The following FBXL17 variants were observed in gnomAD, a reference collection of about 807,000 sequenced individuals.
The protein encoded by FBXL17 is F-box/LRR-repeat protein 17.
In FBXL17, 22 loss-of-function variants were observed where a neutral mutation model predicts 66.2. That is an observed-to-expected ratio of 0.33 (90% CI 0.24 to 0.47). FBXL17 has a LOEUF of 0.47. Among genes scored for constraint, FBXL17 ranks in the 20% least tolerant of loss-of-function variants. The pLI is 1.00. For synonymous variants in FBXL17, 474 were observed against 400.5 expected, an observed-to-expected ratio of 1.18 and a Z score of -2.19; for missense variants, 878 against 948.2, an observed-to-expected ratio of 0.93 and a Z score of 0.97.
intron 7 of FBXL17, among the ~76,000 whole-genome samples, chr5:107,922,713 C>T (rs926425937): frequency 2.0e-5 from 3 of 152,188 alleles, no homozygotes; most frequent in Admixed American, 2.0e-4. Context: ...CCGGCTACTT[C>T]ATATTCAGTC....
chr5:108,370,137 T>C (rs1365687365), intron 1 of FBXL17, among the ~76,000 whole-genome samples: 2 of 152,138 alleles, frequency 1.3e-5, no homozygotes, highest in Admixed American at 6.5e-5. Context: ...AGAGAAAATA[T>C]GTGCAGGCAT....
intron 7 of FBXL17, among the ~76,000 whole-genome samples, chr5:107,955,257 A>T (rs1751624001): frequency 6.6e-6 from 1 of 152,076 alleles, no homozygotes; most frequent in Non-Finnish European, 1.5e-5. Context: ...ACACATCACA[A>T]AATAGTTCTT....
At chr5:107,984,679 A>T (rs1330255938) in intron 7 of FBXL17, among the ~76,000 whole-genome samples, 1 of 152,244 alleles carries the variant, frequency 6.6e-6, no homozygotes, top group Non-Finnish European at 1.5e-5. Flanking sequence ...TGCCATCTAA[A>T]TTCCTACTTG....
In FBXL17 at chr5:108,224,244, G is replaced by A; in HGVS notation, c.1507-16C>T. 2 of 1,472,212 alleles carry A rather than the reference G, an allele frequency of 1.4e-6. No individual in the cohort carries two copies. Among genetic ancestry groups the A allele is most frequent in the African/African-American group, 1.4e-5 (1 of 72,012 alleles). 91.2% of individuals were successfully genotyped at this position (1,472,212 alleles called of 1,614,324 possible). A position where few individuals can be genotyped will look rare whatever the true frequency, so the allele number is the denominator to read the frequency against. On this transcript the variant is annotated splice_polypyrimidine_tract_variant and intron_variant, in intron 4 of 8. Transcript: ENST00000542267. ...GATCTGTCACCTAGGGAAAAGACAT[G>A]GATGAAATTATTCAAGGTAATAGTC...
At chr5:108,216,832 T>C (rs999788781) in intron 5 of FBXL17, among the ~76,000 whole-genome samples, 2 of 152,230 alleles carry the variant, frequency 1.3e-5, no homozygotes, top group African/African-American at 4.8e-5. Context: ...TGCCCACGGC[T>C]GCACAGATAG....
Position 108,217,980 on chromosome 5 carries a change from C to T in FBXL17, c.1614+6141G>A, listed in dbSNP as rs542384138. Among the ~76,000 whole-genome samples, 11 of 150,862 alleles carry T rather than the reference C, an allele frequency of 7.3e-5. No individual in the cohort carries two copies. In the South Asian group the frequency reaches 1.3e-3, roughly 17 times the overall value. On this transcript the variant is annotated intron_variant, in intron 5 of 8. Transcript: ENST00000542267. Reference sequence around the variant, plus strand: ...TTCTTTTTAAGGCTGAATAGTATTCCATTGTGTGTATATACCATATTTTCT... The same window carrying T: ...TTCTTTTTAAGGCTGAATAGTATTCTATTGTGTGTATATACCATATTTTCT...
chr5:108,207,785 G>A (rs76818567), intron 5 of FBXL17, among the ~76,000 whole-genome samples: 9 of 152,256 alleles, frequency 5.9e-5, no homozygotes, highest in East Asian at 1.9e-4. Context: ...ATAAACATAC[G>A]TGTGCATGTG....
intron 6 of FBXL17, among the ~76,000 whole-genome samples, chr5:108,102,701 T>C (rs1453891565): frequency 6.6e-6 from 1 of 152,042 alleles, no homozygotes; most frequent in Non-Finnish European, 1.5e-5. Context: ...TGTGTAGATA[T>C]ACAGTACAAA....
intron 8 of FBXL17, chr5:107,878,359 A>T: frequency 1.1e-6 from 1 of 902,124 alleles, no homozygotes; most frequent in Non-Finnish European, 1.3e-6. Flanking sequence ...GATAAGACTA[A>T]TCAGTAACAG....
intron 4 of FBXL17, among the ~76,000 whole-genome samples, chr5:108,252,570 T>C (rs375678588): frequency 9.9e-5 from 15 of 152,252 alleles, no homozygotes; most frequent in South Asian, 4.1e-4. Context: ...CATAGTAAGA[T>C]AGTTGGTGTG....
chr5:108,356,970 C>T (rs1268135387), intron 3 of FBXL17, among the ~76,000 whole-genome samples: 5 of 151,926 alleles, frequency 3.3e-5, no homozygotes, highest in African/African-American at 1.2e-4. Context: ...GAAATGAACC[C>T]AAAACTCCTC....
At chr5:107,927,058 T>C (rs1750546676) in intron 7 of FBXL17, among the ~76,000 whole-genome samples, 2 of 152,076 alleles carry the variant, frequency 1.3e-5, no homozygotes, top group Non-Finnish European at 2.9e-5. Context: ...TAAAGCTATA[T>C]ACAGAACAGG....
In FBXL17 at chr5:108,367,811, C is replaced by A; in HGVS notation, c.1116+20G>T. 6.5e-7 allele frequency: 1 copy of A among 1,544,290 alleles called. No individual in the cohort carries two copies. The highest frequency in any genetic ancestry group is 1.4e-5 in the African/African-American group (1 of 72,652). On this transcript the variant is annotated intron_variant, in intron 2 of 8. Coordinates refer to ENST00000542267, the MANE Select transcript of FBXL17 (RefSeq NM_001163315.3). ...TTTTGAGTAGGTCATATGAGTGTTA[C>A]TTAGAATTGGATTCCATACCTGCTG...
Position 108,219,514 on chromosome 5 carries a change from C to T in FBXL17, c.1614+4607G>A, listed in dbSNP as rs546748115. ...CAGCCTGGCTAACATGGTGAAACCCCGTCTCTATTAAAAATACAAAAAATT... is the reference window on the plus strand; with the variant it reads ...CAGCCTGGCTAACATGGTGAAACCCTGTCTCTATTAAAAATACAAAAAATT... On this transcript the variant is annotated intron_variant, in intron 5 of 8. Transcript: ENST00000542267. Among the ~76,000 whole-genome samples the T allele has an allele frequency of 2.8e-4, 42 of 151,968 alleles. No homozygotes were observed. The South Asian group carries it at 6.5e-3, about 23-fold the overall frequency.
chr5:108,315,779 A>G (rs1230046741), intron 4 of FBXL17, among the ~76,000 whole-genome samples: 1 of 151,620 alleles, frequency 6.6e-6, no homozygotes, highest in East Asian at 1.9e-4. Flanking sequence ...CAATTAGGAT[A>G]TAAATCTAAT....
chr5:107,897,378 T>C (rs1580693289), intron 7 of FBXL17, among the ~76,000 whole-genome samples: 3 of 152,238 alleles, frequency 2.0e-5, no homozygotes. Flanking sequence ...TGCTAACCCA[T>C]GAGCCTTGAA....
chr5:108,252,942 G>A (rs1199254683), intron 4 of FBXL17, among the ~76,000 whole-genome samples: 4 of 152,158 alleles, frequency 2.6e-5, no homozygotes, highest in African/African-American at 9.7e-5. Context: ...AGGCTGATGT[G>A]AAGATGTTCT....
At chr5:108,106,365 A>G (rs535428232) in intron 6 of FBXL17, among the ~76,000 whole-genome samples, 19 of 152,222 alleles carry the variant, frequency 1.2e-4, no homozygotes, top group Admixed American at 2.6e-4. Context: ...AGTTCCTCAG[A>G]ATATTAAATG....
intron 6 of FBXL17, among the ~76,000 whole-genome samples, chr5:108,100,179 T>C (rs997868031): frequency 3.9e-5 from 6 of 152,206 alleles, no homozygotes; most frequent in African/African-American, 7.2e-5. Context: ...ATTATTTGCA[T>C]AGCATACAAA....
Sources: gnomAD v4.1 joint callset for allele counts (sites outside exome capture counted in the v4.1 genomes callset) on GRCh38, gnomAD v4.1.1 for gene constraint, MANE v1.5 for transcripts, NCBI Gene and HGNC (gene_info 2026-07-23, HGNC 2026-07-21) for gene names.